The following CHD5 variants were observed in gnomAD, a reference collection of about 807,000 sequenced individuals.
CHD5 encodes the protein ATP-dependent chromatin remodeler CHD5.
Under a neutral mutation model 230.3 loss-of-function variants are expected in CHD5, and 69 were observed. That is an observed-to-expected ratio of 0.30 (90% confidence interval 0.25 to 0.37). The LOEUF (loss-of-function observed/expected upper bound fraction) is 0.37, where lower values mean the gene tolerates loss of function less well. Among genes scored for constraint, CHD5 ranks in the 10% least tolerant of loss-of-function variants. The pLI is 1.00. For missense variants in CHD5, 1,827 were observed against 2,622.8 expected (o/e 0.70, Z 6.63); for synonymous variants, 1,064 against 1,065.9 (o/e 1.00, Z 0.03).
At position 6,125,486 on chromosome 1, in the gene CHD5, CA is replaced by C; in HGVS notation, c.4260+37del. On this transcript the variant is annotated intron_variant, in intron 28 of 41. Coordinates refer to ENST00000262450, the MANE Select transcript of CHD5 (RefSeq NM_015557.3). This position sits in a 1 kb window ranked among gnomAD's most constrained non-coding sequence, Gnocchi z 6.7. ...TCCATACCCCAGGGGCAGCAGGAAG[CA>C]GGGGCAGAAAGAGATGCGGGAACAG... 1 of 1,544,784 alleles carries C rather than the reference CA, an allele frequency of 6.5e-7. No individual in the cohort carries two copies. The highest frequency in any genetic ancestry group is 8.8e-7 in the Non-Finnish European group (1 of 1,139,746).
At chr1:6,135,748 T>C (rs1001225305) in intron 17 of CHD5, among the ~76,000 whole-genome samples, 3 of 152,128 alleles carry the variant, frequency 2.0e-5, no homozygotes, top group Admixed American at 6.5e-5. Context: ...TGGTGGCTCA[T>C]GCCTGTAATC....
intron 25 of CHD5, chr1:6,127,225 T>C (rs1571147355): frequency 6.1e-6 from 1 of 164,540 alleles, no homozygotes; most frequent in East Asian, 1.9e-4. Flanking sequence ...TGGTGGCTCA[T>C]TCCTTAACCC....
At position 6,146,888 on chromosome 1, in the gene CHD5, G is replaced by A; in HGVS notation, c.1384-17C>T. On this transcript the variant is annotated splice_polypyrimidine_tract_variant and intron_variant, in intron 9 of 41. Transcript: ENST00000262450. The surrounding 1 kb of genome is among the most constrained non-coding windows in gnomAD (Gnocchi z 5.1). The stretch of plus-strand genomic sequence containing the variant: ...TGGGGGGCACTGTGGACAGAGAAGG[G>A]TCCCCAAGGTGGGGCTCAGCTGCAG... 2.0e-6 allele frequency: 3 copies of A among 1,473,212 alleles called. No individual in the cohort carries two copies. The highest frequency in any genetic ancestry group is 2.7e-6 in the Non-Finnish European group (3 of 1,109,424). The allele number at this position is 1,473,212 out of a possible 1,614,324, so 91.3% of individuals were successfully genotyped here.
Position 6,167,998 on chromosome 1 carries a change from C to T in CHD5, c.207+152G>A, listed in dbSNP as rs919853066. On this transcript the variant is annotated intron_variant, in intron 2 of 41. Transcript: ENST00000262450. The surrounding 1 kb of genome is among the most constrained non-coding windows in gnomAD (Gnocchi z 4.5). ...AGGCTTCCGTGCACAACGCTTCATA[C>T]GAGAAACTGGTTATGGTGTTTTTCA... The T allele has an allele frequency of 5.6e-5, 53 of 946,914 alleles. No individual in the cohort carries two copies. The African/African-American group carries it at 5.7e-4, about 10-fold the overall frequency. The allele number at this position is 946,914 out of a possible 1,614,324, so 58.7% of individuals were successfully genotyped here.
At position 6,105,890 on chromosome 1, in the gene CHD5, G is replaced by C. The variant is rs1666155140; in HGVS notation, c.*46+344C>G. Among the ~76,000 whole-genome samples, 1 of 152,238 alleles carries C rather than the reference G, an allele frequency of 6.6e-6. No homozygotes were observed. Among genetic ancestry groups the C allele is most frequent in the African/African-American group, 2.4e-5 (1 of 41,462 alleles). ...CCAGCAGGACAGCAGGGGCAGGACAGGGCTCCAGGCGGGGGCAGCAGTCTC... is the reference window on the plus strand; with the variant it reads ...CCAGCAGGACAGCAGGGGCAGGACACGGCTCCAGGCGGGGGCAGCAGTCTC... On this transcript the variant is annotated intron_variant, in intron 41 of 41. Coordinates refer to ENST00000262450, the MANE Select transcript of CHD5 (RefSeq NM_015557.3). The surrounding 1 kb of genome is among the most constrained non-coding windows in gnomAD (Gnocchi z 4.8).
chr1:6,168,294 G>A lies in CHD5; in HGVS notation c.80-17C>T. The stretch of plus-strand genomic sequence containing the variant: ...CTTCTTCTTCTGGAAAAATCAGAAG[G>A]TGGCAGCAGTTACTCCTGAGCTTCC... On this transcript the variant is annotated splice_polypyrimidine_tract_variant and intron_variant, in intron 1 of 41. Transcript: ENST00000262450. 1 of 1,584,676 alleles carries A rather than the reference G, an allele frequency of 6.3e-7. No homozygotes were observed. Among genetic ancestry groups the A allele is most frequent in the Non-Finnish European group, 8.6e-7 (1 of 1,158,134 alleles).
Position 6,142,090 on chromosome 1 carries a change from G to A in CHD5, c.2436+38C>T. On this transcript the variant is annotated intron_variant, in intron 15 of 41. Transcript: ENST00000262450. This position sits in a 1 kb window ranked among gnomAD's most constrained non-coding sequence, Gnocchi z 5.2. ...CCGTGGTCCCTGAACTAGACCGGGGGCCTTCCTACCGTCCTTCCAAGGATA... is the reference window on the plus strand; with the variant it reads ...CCGTGGTCCCTGAACTAGACCGGGGACCTTCCTACCGTCCTTCCAAGGATA... 2.5e-6 allele frequency: 4 copies of A among 1,573,280 alleles called. No individual in the cohort carries two copies. The highest frequency in any genetic ancestry group is 3.5e-6 in the Non-Finnish European group (4 of 1,143,806).
At chr1:6,106,347 C>G (rs767473300) in intron 40 of CHD5, 48 bp downstream of exon 40, 70 of 1,611,526 alleles carry the variant, frequency 4.3e-5, no homozygotes, top group Non-Finnish European at 5.9e-5. Flanking sequence ...GCAGGCCGGG[C>G]CCGGCGGGCA....
Position 6,140,563 on chromosome 1 carries a change from C to T in CHD5, c.2436+1565G>A, listed in dbSNP as rs186391113. On this transcript the variant is annotated intron_variant, in intron 15 of 41. Transcript: ENST00000262450. ...TGACTCTGTGGGGTGTGTCTGTTAA[C>T]TCCATTTTGCTGAGAAAACACTGAG... Among the ~76,000 whole-genome samples the T allele has an allele frequency of 4.2e-3, 644 of 152,256 alleles. 3 individuals carry two copies. The highest frequency in any genetic ancestry group is 0.014 in the African/African-American group (589 of 41,532).
In CHD5 at chr1:6,130,243, G is replaced by T; in HGVS notation, c.3348C>A (p.Ile1116=). ...GCGGGTTCCAGTCCGAGTCGTAGAT[G>T]ATGACAGTGTCCGCCGTGGCCAGGT... ...GINLATADTV[I]IYDSDWNPHN... is the part of the protein sequence containing the mutation. The change falls in exon 22 of 42, where the codon ATC becomes ATA. Residue 1116 remains isoleucine, a synonymous_variant. Coordinates refer to ENST00000262450, the MANE Select transcript of CHD5 (RefSeq NM_015557.3). This position sits in a 1 kb window ranked among gnomAD's most constrained non-coding sequence, Gnocchi z 4.9. The T allele has an allele frequency of 6.2e-7, 1 of 1,614,114 alleles. No individual in the cohort carries two copies.
rs1004790086 is a variant in CHD5 at position 6,125,037 on chromosome 1, G to A, written c.4394+63C>T. 4.7e-5 allele frequency: 67 copies of A among 1,440,838 alleles called. No individual in the cohort carries two copies. The highest frequency in any genetic ancestry group is 3.7e-4 in the African/African-American group (26 of 69,840). 89.3% of individuals were successfully genotyped at this position (1,440,838 alleles called of 1,614,324 possible). ...ATGCTGCCCTCTGTGGGGCTCACCC[G>A]CAGGACCCTGCCCTACTCAGGGGCA... On this transcript the variant is annotated intron_variant, in intron 29 of 41. Transcript: ENST00000262450. The surrounding 1 kb of genome is among the most constrained non-coding windows in gnomAD (Gnocchi z 6.7).
chr1:6,178,040 G>A (rs1667452181), intron 1 of CHD5, among the ~76,000 whole-genome samples: 1 of 152,232 alleles, frequency 6.6e-6, no homozygotes, highest in South Asian at 2.1e-4. Context: ...CCAGAACATG[G>A]AGAGAAGCCA....
At position 6,134,922 on chromosome 1, in the gene CHD5, C is replaced by G. The variant is rs990367186; in HGVS notation, c.2871-63G>C. 9.4e-6 allele frequency: 15 copies of G among 1,599,704 alleles called. No individual in the cohort carries two copies. The African/African-American group carries it at 1.9e-4, about 20-fold the overall frequency. ...CCCGCCTCCATGAGGGCTCTCTCTG[C>G]TCTGCAGTGGGGCTGGAAGCTGGTG... On this transcript the variant is annotated intron_variant, in intron 18 of 41. Coordinates refer to ENST00000262450, the MANE Select transcript of CHD5 (RefSeq NM_015557.3). The surrounding 1 kb of genome is among the most constrained non-coding windows in gnomAD (Gnocchi z 6.3).
intron 1 of CHD5, among the ~76,000 whole-genome samples, chr1:6,168,807 CCAG>C (rs1326415784): frequency 1.3e-5 from 2 of 152,068 alleles, no homozygotes; most frequent in Admixed American, 6.6e-5. Flanking sequence ...TAACCAGAGG[CCAG>C]GAGTCTGAGA....
chr1:6,127,975 T>G lies in CHD5; in HGVS notation c.3903+71A>C, dbSNP rs548054060. 45 of 1,206,574 alleles carry G rather than the reference T, an allele frequency of 3.7e-5. No homozygotes were observed. The Admixed American group carries it at 1.2e-3, about 33-fold the overall frequency. The allele number at this position is 1,206,574 out of a possible 1,614,324, so 74.7% of individuals were successfully genotyped here. On this transcript the variant is annotated intron_variant, in intron 25 of 41. Coordinates refer to ENST00000262450, the MANE Select transcript of CHD5 (RefSeq NM_015557.3). The stretch of plus-strand genomic sequence containing the variant: ...GAGGGCGGGGTCACAGTGGAAGGCG[T>G]GGACACAGTGGGGGGCGGGGCTGCG...
chr1:6,122,364 A>G (rs1666485421), intron 31 of CHD5, among the ~76,000 whole-genome samples: 1 of 152,244 alleles, frequency 6.6e-6, no homozygotes, highest in Non-Finnish European at 1.5e-5. Context: ...ACAAGTCTAC[A>G]AACAGCCAAT....
Position 6,134,651 on chromosome 1 carries a change from C to T in CHD5, c.3012+67G>A. 1 of 1,501,116 alleles carries T rather than the reference C, an allele frequency of 6.7e-7. No individual in the cohort carries two copies. Among genetic ancestry groups the T allele is most frequent in the Non-Finnish European group, 9.0e-7 (1 of 1,105,790 alleles). The allele number at this position is 1,501,116 out of a possible 1,614,324, so 93.0% of individuals were successfully genotyped here. Reference sequence around the variant, plus strand: ...TATCACAGCGGCCACAGGGACCTACCATGGCGGCCACAGGCACCTACCATG... The same window carrying T: ...TATCACAGCGGCCACAGGGACCTACTATGGCGGCCACAGGCACCTACCATG... On this transcript the variant is annotated intron_variant, in intron 19 of 41. Coordinates refer to ENST00000262450, the MANE Select transcript of CHD5 (RefSeq NM_015557.3). This position sits in a 1 kb window ranked among gnomAD's most constrained non-coding sequence, Gnocchi z 6.3.
At chr1:6,107,089 G>A (rs1344823435) in intron 38 of CHD5, among the ~76,000 whole-genome samples, 1 of 135,812 alleles carries the variant, frequency 7.4e-6, no homozygotes, top group African/African-American at 2.8e-5. Context: ...GGGGTGGAAG[G>A]ACGGACGAAT....
chr1:6,154,717 G>T lies in CHD5; in HGVS notation c.688C>A (p.Pro230Thr). ...GGCACAGGCTGGGGCACCTGCGGGG[G>T]GCTGACGGCTAGCGGAGGGGAGATG... ...VTISPPLAVS[P>T]PQVPQPVPIR... The change falls in exon 5 of 42, where the codon CCC (proline) becomes ACC (threonine). Residue 230 changes from proline to threonine, a missense_variant. By Grantham distance (38) the Pro-to-Thr change is conservative (BLOSUM62 -1). This residue lies in a region of CHD5 where 657 missense variants were observed against 816.4 expected (regional missense o/e 0.80). Transcript: ENST00000262450. The surrounding 1 kb of genome is among the most constrained non-coding windows in gnomAD (Gnocchi z 7.0). The T allele has an allele frequency of 6.2e-7, 1 of 1,607,270 alleles. No homozygotes were observed. Among genetic ancestry groups the T allele is most frequent in the Non-Finnish European group, 8.5e-7 (1 of 1,176,448 alleles).
Sources: gnomAD v4.1 joint callset for allele counts (sites outside exome capture counted in the v4.1 genomes callset) on GRCh38, gnomAD v4.1.1 for gene constraint, gnomAD v4.1.1 regional missense constraint, Gnocchi (gnomAD v3.1) non-coding constraint, MANE v1.5 for transcripts, NCBI Gene and HGNC (gene_info 2026-07-23, HGNC 2026-07-21) for gene names.